Variants in FREM3 observed in about 807,000 individuals in gnomAD.
FREM3 encodes the protein FRAS1 related extracellular matrix 3.
A neutral mutation model predicts 129.1 loss-of-function variants in FREM3; 105 were observed. That is an observed-to-expected ratio of 0.81 (90% CI 0.69 to 0.96). FREM3 has a LOEUF of 0.96. Ranked by LOEUF, FREM3 falls within the 40% of genes least tolerant of loss-of-function variation. The pLI, the probability that FREM3 is intolerant of heterozygous loss-of-function variation, is 0.00. For missense variants in FREM3, 2,593 were observed against 2,666.3 expected (o/e 0.97, Z 0.61); for synonymous variants, 1,014 against 1,044.9 (o/e 0.97, Z 0.57).
chr4:143,683,262 C>A (rs929869146), intron 2 of FREM3, among the ~76,000 whole-genome samples: 1 of 152,156 alleles, frequency 6.6e-6, no homozygotes, highest in Non-Finnish European at 1.5e-5. Context: ...ACTGCAAGAA[C>A]AAACCAGCAA....
chr4:143,642,551 C>T (rs1739339179), intron 2 of FREM3, among the ~76,000 whole-genome samples: 1 of 151,906 alleles, frequency 6.6e-6, no homozygotes, highest in African/African-American at 2.4e-5. Context: ...GAGTCTCTTC[C>T]ATAAATGGTG....
At chr4:143,659,282 C>G (rs945470310) in intron 2 of FREM3, among the ~76,000 whole-genome samples, 1 of 151,768 alleles carries the variant, frequency 6.6e-6, no homozygotes, top group African/African-American at 2.4e-5. Context: ...GTGATGTTCC[C>G]CTTCCTGTGT....
chr4:143,666,801 A>T (rs1385530454), intron 2 of FREM3, among the ~76,000 whole-genome samples: 1 of 151,114 alleles, frequency 6.6e-6, no homozygotes, highest in Non-Finnish European at 1.5e-5. Context: ...CAGTAATGAT[A>T]GTTGCATAAC....
At chr4:143,604,781 G>A (rs1264203413) in intron 6 of FREM3, among the ~76,000 whole-genome samples, 6 of 152,144 alleles carry the variant, frequency 3.9e-5, no homozygotes, top group Non-Finnish European at 7.4e-5. Flanking sequence ...TTTAAGCTTA[G>A]CAATGTGCTT....
At chr4:143,607,997 A>T (rs1451088306) in intron 6 of FREM3, among the ~76,000 whole-genome samples, 1 of 151,638 alleles carries the variant, frequency 6.6e-6, no homozygotes, top group Admixed American at 6.6e-5. Context: ...AAAGTGCATC[A>T]CTCCAACCTC....
At chr4:143,627,470 C>T (rs184102607) in intron 3 of FREM3, 144 bp downstream of exon 3, 109 of 718,930 alleles carry the variant, frequency 1.5e-4, no homozygotes, top group Admixed American at 3.3e-4. Context: ...GCAAAAACCA[C>T]GGCACATTTT....
At position 143,684,069 on chromosome 4, in the gene FREM3, C is replaced by A. The variant is rs74821583; in HGVS notation, c.5275+9044G>T. On this transcript the variant is annotated intron_variant, in intron 2 of 7. Coordinates refer to ENST00000329798, the MANE Select transcript of FREM3 (RefSeq NM_001168235.2). ...CCCTCACATGATGGGCCTTCCCTAC[C>A]TACCCTGGTAGTGGAAGACAAAGGG... Among the ~76,000 whole-genome samples, 518 of 152,254 alleles carry A rather than the reference C, an allele frequency of 3.4e-3. 1 individual carries two copies. Among genetic ancestry groups the A allele is most frequent in the African/African-American group, 0.012 (491 of 41,550 alleles).
chr4:143,698,726 T>C lies in FREM3; in HGVS notation c.1950A>G (p.Ile650Met), dbSNP rs972944074. The C allele has an allele frequency of 3.3e-6, 5 of 1,537,310 alleles. No homozygotes were observed. The highest frequency in any genetic ancestry group is 4.4e-6 in the Non-Finnish European group (5 of 1,146,928). The change falls in exon 1 of 8, where the codon ATA becomes ATG. Residue 650 changes from isoleucine to methionine, a missense_variant. Around this residue, in one of 2 missense-constraint regions of FREM3, gnomAD observed 2,276 missense variants for 2,267.2 expected, o/e 1.00. Coordinates refer to ENST00000329798, the MANE Select transcript of FREM3 (RefSeq NM_001168235.2). Reference protein sequence around the residue: ...KVVTEWLQRDIMEGRLFYRHL... With the variant: ...KVVTEWLQRDMMEGRLFYRHL... ...GGCGGTAGAAGAGTCTCCCTTCCAT[T>C]ATGTCTCTCTGTAGCCACTCAGTCA...
intron 2 of FREM3, among the ~76,000 whole-genome samples, chr4:143,654,352 C>T (rs1008404207): frequency 1.3e-5 from 2 of 152,192 alleles, no homozygotes; most frequent in African/African-American, 2.4e-5. Context: ...GATCTGCCCG[C>T]CTTGGCCTCC....
intron 2 of FREM3, among the ~76,000 whole-genome samples, chr4:143,676,118 T>C (rs1740115214): frequency 6.6e-6 from 1 of 152,202 alleles, no homozygotes; most frequent in South Asian, 2.1e-4. Flanking sequence ...ATATCCCTGA[T>C]GAACATTGAT....
At chr4:143,634,919 C>A (rs964094693) in intron 2 of FREM3, among the ~76,000 whole-genome samples, 1 of 152,048 alleles carries the variant, frequency 6.6e-6, no homozygotes, top group African/African-American at 2.4e-5. Flanking sequence ...TTAGCTATGC[C>A]CCCACAGGCT....
chr4:143,627,647 G>C lies in FREM3; in HGVS notation c.5389C>G (p.Arg1797Gly). 8 of 1,535,892 alleles carry C rather than the reference G, an allele frequency of 5.2e-6. No individual in the cohort carries two copies. Among genetic ancestry groups the C allele is most frequent in the Non-Finnish European group, 7.0e-6 (8 of 1,145,816 alleles). ...GATGTTTCTCCAAGGTATCCTCTGC[G>C]TGTAAGGGTCACTTCTAAGAATGTG... ...DSTFLEVTLT[R>G]RGYLGETSFI... The change falls in exon 3 of 8, where the codon CGC (arginine) becomes GGC (glycine). Residue 1797 changes from arginine (R) to glycine (G), a missense_variant. This residue lies in a region of FREM3 where 2,276 missense variants were observed against 2,267.2 expected (regional missense o/e 1.00). Coordinates refer to ENST00000329798, the MANE Select transcript of FREM3 (RefSeq NM_001168235.2).
chr4:143,639,192 T>G (rs747910379), intron 2 of FREM3, among the ~76,000 whole-genome samples: 1 of 152,138 alleles, frequency 6.6e-6, no homozygotes, highest in Non-Finnish European at 1.5e-5. Flanking sequence ...GGAGATAGTA[T>G]TTGGGAGGGA....
chr4:143,616,167 T>C (rs1477142410), intron 5 of FREM3, among the ~76,000 whole-genome samples: 1 of 152,122 alleles, frequency 6.6e-6, no homozygotes, highest in South Asian at 2.1e-4. Context: ...CCAGAATATG[T>C]TGGAATAATA....
At chr4:143,676,459 G>A (rs1249906492) in intron 2 of FREM3, among the ~76,000 whole-genome samples, 3 of 152,172 alleles carry the variant, frequency 2.0e-5, no homozygotes, top group Admixed American at 6.5e-5. Context: ...AAAACTGGAA[G>A]CATTCCCTTT....
At chr4:143,687,300 G>A (rs1319030891) in intron 2 of FREM3, among the ~76,000 whole-genome samples, 2 of 152,102 alleles carry the variant, frequency 1.3e-5, no homozygotes, top group East Asian at 1.9e-4. Flanking sequence ...AAATCAGGAA[G>A]AATTAGATGC....
intron 2 of FREM3, among the ~76,000 whole-genome samples, chr4:143,664,096 T>G (rs1739799647): frequency 6.6e-6 from 1 of 152,184 alleles, no homozygotes; most frequent in South Asian, 2.1e-4. Flanking sequence ...ATCAAAGTCA[T>G]TCTCCGTCCC....
chr4:143,653,551 G>A (rs1739547887), intron 2 of FREM3, among the ~76,000 whole-genome samples: 1 of 152,150 alleles, frequency 6.6e-6, no homozygotes, highest in Non-Finnish European at 1.5e-5. Flanking sequence ...ATGCACATGT[G>A]TAAACCTAAA....
intron 2 of FREM3, among the ~76,000 whole-genome samples, chr4:143,651,389 G>A (rs4835632): frequency 0.98 from 149,904 of 152,324 alleles, 73,800 homozygotes; most frequent in South Asian, 1. Flanking sequence ...GGGTGGAAAG[G>A]CATTACAAAA....
Sources: gnomAD v4.1 joint callset for allele counts (sites outside exome capture counted in the v4.1 genomes callset) on GRCh38, gnomAD v4.1.1 for gene constraint, gnomAD v4.1.1 regional missense constraint, MANE v1.5 for transcripts, NCBI Gene and HGNC (gene_info 2026-07-23, HGNC 2026-07-21) for gene names.